Variants in FBXO10 observed in about 807,000 individuals in gnomAD.
FBXO10 encodes F-box protein 10.
Under a neutral mutation model 80.7 loss-of-function variants are expected in FBXO10, and 39 were observed. The ratio of observed to expected loss-of-function variants is 0.48; its 90% CI spans 0.37 to 0.63. The LOEUF (loss-of-function observed/expected upper bound fraction) is 0.63. FBXO10 is among the 30% of genes least tolerant of loss of function. The probability of loss-of-function intolerance (pLI) is 0.00; values close to 1 mark genes in which losing one functional copy is unlikely to be tolerated. For missense variants in FBXO10, 1,025 were observed against 1,269.0 expected, an observed-to-expected ratio of 0.81 and a Z score of 2.92; for synonymous variants, 449 against 489.6, an observed-to-expected ratio of 0.92 and a Z score of 1.09.
chr9:37,524,082 G>A (rs1389216479), intron 6 of FBXO10, among the ~76,000 whole-genome samples: 1 of 152,088 alleles, frequency 6.6e-6, no homozygotes, highest in Non-Finnish European at 1.5e-5. Context: ...CAGGCCCCTT[G>A]TGCACCACAC....
intron 9 of FBXO10, among the ~76,000 whole-genome samples, chr9:37,517,362 T>C (rs1821209708): frequency 6.6e-6 from 1 of 152,098 alleles, no homozygotes; most frequent in Admixed American, 6.5e-5. Context: ...ACTGTTGAAC[T>C]AAAAATAAAA....
At chr9:37,571,172 G>T (rs1020244094) in intron 1 of FBXO10, among the ~76,000 whole-genome samples, 1 of 152,114 alleles carries the variant, frequency 6.6e-6, no homozygotes, top group Non-Finnish European at 1.5e-5. Context: ...AGCCCAGGTG[G>T]CTTCATCACC....
intron 1 of FBXO10, among the ~76,000 whole-genome samples, chr9:37,554,470 C>A (rs553345777): frequency 6.6e-6 from 1 of 152,188 alleles, no homozygotes; most frequent in South Asian, 2.1e-4. Context: ...TGTGTATTTG[C>A]AGAATTGACA....
intron 1 of FBXO10, among the ~76,000 whole-genome samples, chr9:37,548,084 T>A (rs1467756445): frequency 6.6e-6 from 1 of 152,128 alleles, no homozygotes; most frequent in Non-Finnish European, 1.5e-5. Context: ...GGTGCATACA[T>A]CTAAAAACCC....
At position 37,512,292 on chromosome 9, in the gene FBXO10, C is replaced by T. The variant is rs552610116; in HGVS notation, c.*255G>A. The T allele has an allele frequency of 1.1e-4, 38 of 355,452 alleles. No individual in the cohort carries two copies. Among genetic ancestry groups the T allele is most frequent in the Middle Eastern group, 1.5e-3 (2 of 1,352 alleles). 22.0% of individuals were successfully genotyped at this position (355,452 alleles called of 1,614,324 possible). A position where few individuals can be genotyped will look rare whatever the true frequency, so the allele number is the denominator to read the frequency against. ...AAAGCTTCAGCATTTGAGCTTCCCC[C>T]GCTCTTCACAATCTTTATAGACTTC... On this transcript the variant is annotated 3_prime_UTR_variant, in exon 11 of 11. Transcript: ENST00000432825.
chr9:37,575,849 T>TC (rs369604595), intron 1 of FBXO10, among the ~76,000 whole-genome samples: 3 of 152,146 alleles, frequency 2.0e-5, no homozygotes, highest in African/African-American at 7.2e-5. Context: ...TGAAGGCTCT[T>TC]CCCATCCCAA....
chr9:37,551,690 G>A (rs550481075), intron 1 of FBXO10, among the ~76,000 whole-genome samples: 88 of 152,316 alleles, frequency 5.8e-4, no homozygotes, highest in African/African-American at 2.1e-3. Flanking sequence ...TTGAAGTGAC[G>A]GCACAAGCAG....
chr9:37,553,422 TA>T (rs949256334), intron 1 of FBXO10, among the ~76,000 whole-genome samples: 4 of 152,126 alleles, frequency 2.6e-5, no homozygotes, highest in Admixed American at 2.6e-4. Context: ...CTACTTTTAT[TA>T]AAGTTCAAAT....
At position 37,541,428 on chromosome 9, in the gene FBXO10, G is replaced by A; in HGVS notation, c.341C>T (p.Pro114Leu). The A allele has an allele frequency of 1.2e-6, 2 of 1,614,030 alleles. No individual in the cohort carries two copies. Among genetic ancestry groups the A allele is most frequent in the South Asian group, 2.2e-5 (2 of 91,082 alleles). ...RRERRTLSVG[P>L]GREFDSLGSA... ...GCCCAGGCTGTCAAACTCACGGCCT[G>A]GCCCAACACTCAGGGTACGTCGTTC... Residue 114 changes from proline (P) to leucine (L), a missense_variant, in exon 2 of 11, where the codon CCA (proline) becomes CTA (leucine). Transcript: ENST00000432825.
At chr9:37,532,150 T>C in intron 3 of FBXO10, 92 bp from the exon 4 acceptor site, 1 of 1,381,764 alleles carries the variant, frequency 7.2e-7, no homozygotes, top group East Asian at 2.6e-5. Context: ...CCGCACCACC[T>C]GATCCATGCA....
At chr9:37,531,101 G>A (rs12338837) in intron 4 of FBXO10, among the ~76,000 whole-genome samples, 33,600 of 152,142 alleles carry the variant, frequency 0.22, 6,067 homozygotes, top group African/African-American at 0.51. Context: ...AAATAGGGAT[G>A]ATAATAATTC....
At chr9:37,515,797 G>A in intron 10 of FBXO10, 107 bp downstream of exon 10, 1 of 1,188,106 alleles carries the variant, frequency 8.4e-7, no homozygotes, top group Non-Finnish European at 1.2e-6. Context: ...ACAGCTGGCA[G>A]GGTTGCAGGG....
chr9:37,565,928 T>G (rs1822592524), intron 1 of FBXO10, among the ~76,000 whole-genome samples: 1 of 152,148 alleles, frequency 6.6e-6, no homozygotes, highest in African/African-American at 2.4e-5. Context: ...CAGCTGGGCT[T>G]AGGACATGTT....
At chr9:37,573,490 G>A (rs1046739233) in intron 1 of FBXO10, among the ~76,000 whole-genome samples, 2 of 152,206 alleles carry the variant, frequency 1.3e-5, no homozygotes, top group Non-Finnish European at 2.9e-5. Flanking sequence ...TCACACATCC[G>A]TGGACTGTGT....
chr9:37,560,286 T>C (rs1822444987), intron 1 of FBXO10, among the ~76,000 whole-genome samples: 1 of 152,166 alleles, frequency 6.6e-6, no homozygotes, highest in South Asian at 2.1e-4. Context: ...TCTGGGGGAT[T>C]TGGGGCCAAG....
At chr9:37,574,694 A>C (rs1038388519) in intron 1 of FBXO10, among the ~76,000 whole-genome samples, 3 of 152,236 alleles carry the variant, frequency 2.0e-5, no homozygotes, top group Non-Finnish European at 4.4e-5. Context: ...GCCAGCTGTT[A>C]TGAGGTAAGC....
intron 5 of FBXO10, among the ~76,000 whole-genome samples, chr9:37,527,141 G>A (rs925861395): frequency 2.0e-5 from 3 of 152,158 alleles, no homozygotes; most frequent in South Asian, 2.1e-4. Context: ...ATGAGGCACC[G>A]CCCCGGCCCC....
chr9:37,555,583 G>A (rs928279097), intron 1 of FBXO10, among the ~76,000 whole-genome samples: 2 of 152,118 alleles, frequency 1.3e-5, no homozygotes, highest in African/African-American at 2.4e-5. Context: ...ATTTCATCAT[G>A]TTGGCCAGGC....
At position 37,518,146 on chromosome 9, in the gene FBXO10, C is replaced by T. The variant is rs1160782280; in HGVS notation, c.2493G>A (p.Leu831=). 2 of 1,613,298 alleles carry T rather than the reference C, an allele frequency of 1.2e-6. No individual in the cohort carries two copies. Among genetic ancestry groups the T allele is most frequent in the Non-Finnish European group, 1.7e-6 (2 of 1,179,564 alleles). ...TCACTTTAGTGTCGGACCTGGGCAG[C>T]AGCTGCAGCCCGCTGCCCCGGTTGC... ...IIGNRGSGLQ[L]LPRSDTKVIK... is the part of the protein sequence containing the mutation. Residue 831 remains leucine (L), a synonymous_variant, in exon 9 of 11, where the codon CTG becomes CTA. Coordinates refer to ENST00000432825, the MANE Select transcript of FBXO10 (RefSeq NM_012166.3).
Sources: gnomAD v4.1 joint callset for allele counts (sites outside exome capture counted in the v4.1 genomes callset) on GRCh38, gnomAD v4.1.1 for gene constraint, MANE v1.5 for transcripts, NCBI Gene and HGNC (gene_info 2026-07-23, HGNC 2026-07-21) for gene names.